Variants in CLYBL observed in about 807,000 individuals in gnomAD.
The protein encoded by CLYBL is citramalyl-CoA lyase, also known as citramalyl-CoA lyase, mitochondrial.
Under a neutral mutation model 38.9 loss-of-function variants are expected in CLYBL, and 31 were observed. That is an observed-to-expected ratio of 0.80 (90% CI 0.60 to 1.08). The LOEUF is 1.08. CLYBL is among the 50% of genes least tolerant of loss of function. The pLI is 0.00. For synonymous variants in CLYBL, 171 were observed against 158.6 expected (o/e 1.08, Z -0.59); for missense variants, 434 against 411.6 (o/e 1.05, Z -0.47).
intron 1 of CLYBL, among the ~76,000 whole-genome samples, chr13:99,616,522 C>T (rs1183324992): frequency 2.6e-5 from 4 of 152,234 alleles, no homozygotes; most frequent in Non-Finnish European, 4.4e-5. Context: ...TGTTGGCTAC[C>T]GCGACAGCCT....
intron 1 of CLYBL, among the ~76,000 whole-genome samples, chr13:99,738,120 A>G (rs2048696070): frequency 6.6e-6 from 1 of 152,206 alleles, no homozygotes; most frequent in Admixed American, 6.5e-5. Flanking sequence ...TAATTAAACC[A>G]TGGTGGGTAT....
chr13:99,692,385 G>A (rs955813635), intron 1 of CLYBL, among the ~76,000 whole-genome samples: 6 of 151,168 alleles, frequency 4.0e-5, no homozygotes, highest in Non-Finnish European at 5.9e-5. Flanking sequence ...TCCGCCTCCC[G>A]GGTTCACGCC....
intron 1 of CLYBL, among the ~76,000 whole-genome samples, chr13:99,743,760 T>C (rs1025666247): frequency 6.6e-6 from 1 of 152,228 alleles, no homozygotes; most frequent in Non-Finnish European, 1.5e-5. Context: ...ATCACAATGG[T>C]ATTTTGTAAT....
At chr13:99,680,370 A>G (rs1033670534) in intron 1 of CLYBL, among the ~76,000 whole-genome samples, 1 of 152,246 alleles carries the variant, frequency 6.6e-6, no homozygotes, top group Non-Finnish European at 1.5e-5. Context: ...TAGAAGGTAC[A>G]TAACTTAGCC....
chr13:99,721,977 T>A (rs893777959), intron 1 of CLYBL, among the ~76,000 whole-genome samples: 2 of 152,224 alleles, frequency 1.3e-5, no homozygotes, highest in Non-Finnish European at 2.9e-5. Flanking sequence ...CAAGTTTTAA[T>A]TTTTAATTTC....
At chr13:99,729,205 G>A (rs2048537380) in intron 1 of CLYBL, among the ~76,000 whole-genome samples, 1 of 152,202 alleles carries the variant, frequency 6.6e-6, no homozygotes, top group Admixed American at 6.5e-5. Context: ...CCTAAAGAGG[G>A]GAGAGAGTAT....
intron 1 of CLYBL, among the ~76,000 whole-genome samples, chr13:99,748,508 C>G (rs187535791): frequency 7.9e-6 from 1 of 126,088 alleles, no homozygotes; most frequent in African/African-American, 3.1e-5. Flanking sequence ...GGCACGATCT[C>G]GGCTCACTGC....
rs118114285 is a variant in CLYBL, at chr13:99,864,780, G to A, written c.541-38G>A. 973 of 1,437,516 alleles carry A rather than the reference G, an allele frequency of 6.8e-4. 6 individuals carry two copies. The East Asian group carries it at 0.015, about 22-fold the overall frequency. 89.0% of individuals were successfully genotyped at this position (1,437,516 alleles called of 1,614,324 possible). ...CGTGCCTCTTCCCTCTGACGCACGC[G>A]TTTCCGTGAGACTTAGTTCTGTTCT... is the stretch of plus-strand genomic sequence containing the variant. On this transcript the variant is annotated intron_variant, in intron 4 of 8. Coordinates refer to ENST00000339105, the MANE Select transcript of CLYBL (RefSeq NM_206808.5).
At chr13:99,797,181 T>C (rs2050038914) in intron 2 of CLYBL, among the ~76,000 whole-genome samples, 1 of 152,202 alleles carries the variant, frequency 6.6e-6, no homozygotes, top group African/African-American at 2.4e-5. Context: ...CTTAGTCTCA[T>C]ATAGATGCAT....
intron 1 of CLYBL, among the ~76,000 whole-genome samples, chr13:99,729,399 A>T (rs1022805246): frequency 2.6e-5 from 4 of 152,140 alleles, no homozygotes; most frequent in African/African-American, 9.7e-5. Context: ...AGGAAAAGAC[A>T]TAGGGAATGG....
chr13:99,808,328 AGCCT>A (rs2050273034), intron 2 of CLYBL, among the ~76,000 whole-genome samples: 1 of 152,112 alleles, frequency 6.6e-6, no homozygotes, highest in African/African-American at 2.4e-5. Flanking sequence ...TCAGGCGATC[AGCCT>A]GCCTCGGCCT....
At chr13:99,617,792 A>G (rs1430556184) in intron 1 of CLYBL, among the ~76,000 whole-genome samples, 1 of 151,734 alleles carries the variant, frequency 6.6e-6, no homozygotes, top group East Asian at 1.9e-4. Flanking sequence ...CCTCCTTATG[A>G]CCTCCTCTCT....
chr13:99,861,103 C>T (rs2051590256), intron 3 of CLYBL, among the ~76,000 whole-genome samples: 1 of 152,154 alleles, frequency 6.6e-6, no homozygotes, highest in African/African-American at 2.4e-5. Context: ...CCAGTCCCCT[C>T]CACCTCGCTG....
chr13:99,774,435 A>G (rs2049467556), intron 2 of CLYBL, among the ~76,000 whole-genome samples: 1 of 152,174 alleles, frequency 6.6e-6, no homozygotes. Context: ...TGGAACTTTT[A>G]AAGTTAAAAA....
At chr13:99,724,874 C>T (rs1210617612) in intron 1 of CLYBL, among the ~76,000 whole-genome samples, 2 of 152,116 alleles carry the variant, frequency 1.3e-5, no homozygotes, top group Non-Finnish European at 2.9e-5. Flanking sequence ...CTCTCTAGGG[C>T]GTGTCGTTGG....
chr13:99,733,089 A>C (rs1328534639), intron 1 of CLYBL, among the ~76,000 whole-genome samples: 1 of 152,238 alleles, frequency 6.6e-6, no homozygotes, highest in Non-Finnish European at 1.5e-5. Context: ...ATAGTGCAGG[A>C]GTCAGCAGAA....
chr13:99,712,723 C>T (rs374444258), intron 1 of CLYBL, among the ~76,000 whole-genome samples: 13 of 152,246 alleles, frequency 8.5e-5, no homozygotes, highest in Middle Eastern at 3.4e-3. Context: ...GCAATATACC[C>T]TTACTACTTT....
chr13:99,772,788 C>T lies in CLYBL; in HGVS notation c.63-36C>T, dbSNP rs377368871. 5 of 1,493,342 alleles carry T rather than the reference C, an allele frequency of 3.3e-6. No homozygotes were observed. In the African/African-American group the frequency reaches 5.7e-5, roughly 17 times the overall value. The allele number at this position is 1,493,342 out of a possible 1,614,324, so 92.5% of individuals were successfully genotyped here. ...TTCACAAGTTTATAAATACAGAAAT[C>T]TCATTCTGGACTAACCCCAATCACG... On this transcript the variant is annotated intron_variant, in intron 1 of 8. Transcript: ENST00000339105.
At chr13:99,655,094 T>TA (rs1296421594) in intron 1 of CLYBL, among the ~76,000 whole-genome samples, 1 of 151,350 alleles carries the variant, frequency 6.6e-6, no homozygotes, top group African/African-American at 2.4e-5. Flanking sequence ...TTTTTTTTTT[T>TA]AGACGGAGTC....
Sources: gnomAD v4.1 joint callset for allele counts (sites outside exome capture counted in the v4.1 genomes callset) on GRCh38, gnomAD v4.1.1 for gene constraint, MANE v1.5 for transcripts, NCBI Gene and HGNC (gene_info 2026-07-23, HGNC 2026-07-21) for gene names.